The following EHBP1 variants were observed in gnomAD, a reference collection of about 807,000 sequenced individuals.
EHBP1 encodes EH domain binding protein 1.
A neutral mutation model predicts 144.0 loss-of-function variants in EHBP1; 55 were observed. That is an observed-to-expected ratio of 0.38 (90% CI 0.31 to 0.48). The LOEUF (loss-of-function observed/expected upper bound fraction) is 0.48. Ranked by LOEUF, EHBP1 falls within the 20% of genes least tolerant of loss-of-function variation. The probability of loss-of-function intolerance (pLI) is 0.98; values close to 1 mark genes in which losing one functional copy is unlikely to be tolerated. For synonymous variants in EHBP1, 469 were observed against 472.7 expected (o/e 0.99, Z 0.10); for missense variants, 1,200 against 1,364.2 (o/e 0.88, Z 1.90).
Position 62,929,419 on chromosome 2 carries a change from A to T in EHBP1, c.1186-13299A>T, listed in dbSNP as rs1008639220. Among the ~76,000 whole-genome samples the T allele has an allele frequency of 5.2e-4, 79 of 152,204 alleles. 1 individual carries two copies. Among genetic ancestry groups the T allele is most frequent in the Admixed American group, 5.2e-3 (79 of 15,274 alleles). On this transcript the variant is annotated intron_variant, in intron 10 of 22. Coordinates refer to ENST00000431489, the MANE Select transcript of EHBP1 (RefSeq NM_001142616.3). Reference sequence around the variant, plus strand: ...TTATGCCTGGAGTGCAAGGATGATTAGACATATGTAATCAGTGTAATACAC... The same window carrying T: ...TTATGCCTGGAGTGCAAGGATGATTTGACATATGTAATCAGTGTAATACAC...
chr2:62,920,808 A>G (rs893028228), intron 10 of EHBP1, among the ~76,000 whole-genome samples: 2 of 152,040 alleles, frequency 1.3e-5, no homozygotes, highest in Non-Finnish European at 1.5e-5. Flanking sequence ...GATTACAGGC[A>G]TATACCACCA....
intron 15 of EHBP1, among the ~76,000 whole-genome samples, chr2:62,979,726 C>T (rs565336941): frequency 6.6e-6 from 1 of 152,184 alleles, no homozygotes; most frequent in African/African-American, 2.4e-5. Context: ...AAAACAAGAT[C>T]TTTAGAAAGT....
intron 14 of EHBP1, among the ~76,000 whole-genome samples, chr2:62,964,770 A>G (rs902933386): frequency 6.6e-6 from 1 of 152,214 alleles, no homozygotes; most frequent in African/African-American, 2.4e-5. Flanking sequence ...TGCCTCCAGC[A>G]GTGATTAAAT....
intron 10 of EHBP1, among the ~76,000 whole-genome samples, chr2:62,912,167 T>C (rs780962909): frequency 4.6e-5 from 7 of 152,192 alleles, no homozygotes; most frequent in Non-Finnish European, 8.8e-5. Flanking sequence ...CTTTTCAAGA[T>C]AGTCATCAGA....
At chr2:62,938,325 T>C (rs2056522371) in intron 10 of EHBP1, among the ~76,000 whole-genome samples, 1 of 152,146 alleles carries the variant, frequency 6.6e-6, no homozygotes, top group Admixed American at 6.5e-5. Context: ...CAAAGTGTGG[T>C]GGAAAACTAT....
At chr2:63,037,980 T>G (rs1377258512) in intron 20 of EHBP1, among the ~76,000 whole-genome samples, 1 of 152,088 alleles carries the variant, frequency 6.6e-6, no homozygotes, top group Non-Finnish European at 1.5e-5. Flanking sequence ...AAATTCTAAG[T>G]TAAATAAAAT....
chr2:62,803,370 A>T (rs1443079951), intron 5 of EHBP1, among the ~76,000 whole-genome samples: 1 of 152,226 alleles, frequency 6.6e-6, no homozygotes, highest in Non-Finnish European at 1.5e-5. Context: ...GAATATCCCC[A>T]TAACAGGCTA....
chr2:62,899,550 G>A (rs1311546835), intron 10 of EHBP1, among the ~76,000 whole-genome samples: 3 of 152,132 alleles, frequency 2.0e-5, no homozygotes, highest in Non-Finnish European at 4.4e-5. Context: ...GAGACTCTGG[G>A]TCTGAACCAG....
At chr2:62,769,640 C>T (rs2041472489) in intron 4 of EHBP1, among the ~76,000 whole-genome samples, 1 of 151,974 alleles carries the variant, frequency 6.6e-6, no homozygotes, top group African/African-American at 2.4e-5. Context: ...ACATTCTTCA[C>T]AGAACTTGAA....
chr2:62,696,508 C>CTTTTTTTTTTTTTTTTTTTTTT (rs869081763), intron 1 of EHBP1, among the ~76,000 whole-genome samples: 28 of 76,746 alleles, frequency 3.6e-4, no homozygotes, highest in South Asian at 1.1e-3. Flanking sequence ...TTTTTTTCTT[C>CTTTTTTTTTTTTTTTTTTTTTT]TTTTTTTTTT....
intron 2 of EHBP1, among the ~76,000 whole-genome samples, chr2:62,725,352 C>A (rs1286354306): frequency 6.6e-6 from 1 of 152,144 alleles, no homozygotes; most frequent in Admixed American, 6.5e-5. Context: ...GCTAGTGGGT[C>A]CCGGGGTGCC....
intron 10 of EHBP1, among the ~76,000 whole-genome samples, chr2:62,883,456 A>G (rs1553459348): frequency 6.6e-6 from 1 of 152,336 alleles, no homozygotes; most frequent in South Asian, 2.1e-4. Context: ...AGACATAGAC[A>G]TTAGAGACAC....
chr2:62,836,123 C>T (rs1298082299), intron 7 of EHBP1, among the ~76,000 whole-genome samples: 1 of 152,154 alleles, frequency 6.6e-6, no homozygotes, highest in Non-Finnish European at 1.5e-5. Flanking sequence ...CAGTGGTTCT[C>T]CCAGCACGCA....
At chr2:62,740,958 C>T (rs940741100) in intron 2 of EHBP1, among the ~76,000 whole-genome samples, 5 of 151,992 alleles carry the variant, frequency 3.3e-5, no homozygotes, top group African/African-American at 7.3e-5. Flanking sequence ...TTTTCTAGAA[C>T]ATTGAGGGGT....
intron 19 of EHBP1, among the ~76,000 whole-genome samples, chr2:63,037,087 G>A (rs959747373): frequency 6.6e-6 from 1 of 151,816 alleles, no homozygotes; most frequent in African/African-American, 2.4e-5. Flanking sequence ...AGGAAAATAA[G>A]AAAATAGCAA....
intron 19 of EHBP1, among the ~76,000 whole-genome samples, chr2:63,005,449 A>G (rs1014497646): frequency 4.6e-5 from 7 of 152,050 alleles, no homozygotes; most frequent in African/African-American, 1.7e-4. Flanking sequence ...GCTGTTCTAG[A>G]GTTCTCTCAG....
At chr2:62,770,867 G>A (rs1262273982) in intron 4 of EHBP1, among the ~76,000 whole-genome samples, 1 of 152,216 alleles carries the variant, frequency 6.6e-6, no homozygotes, top group African/African-American at 2.4e-5. Flanking sequence ...CATGGATGGA[G>A]CTGGAGGCTA....
At chr2:62,918,924 G>T (rs1214843773) in intron 10 of EHBP1, among the ~76,000 whole-genome samples, 1 of 151,602 alleles carries the variant, frequency 6.6e-6, no homozygotes, top group African/African-American at 2.4e-5. Flanking sequence ...TAACTATTTT[G>T]GAAACCTGGG....
chr2:62,818,674 A>G (rs1239031534), intron 5 of EHBP1, among the ~76,000 whole-genome samples: 1 of 152,218 alleles, frequency 6.6e-6, no homozygotes, highest in Non-Finnish European at 1.5e-5. Flanking sequence ...GAGGAAGGAA[A>G]TGATAAAGAT....
Sources: allele counts gnomAD v4.1 joint callset (sites outside exome capture counted in the v4.1 genomes callset), GRCh38; gene constraint gnomAD v4.1.1; transcripts MANE v1.5; gene names NCBI Gene and HGNC (gene_info 2026-07-23, HGNC 2026-07-21).